The following TMEM132D variants were observed in gnomAD, a reference collection of about 807,000 sequenced individuals.
TMEM132D encodes transmembrane protein 132D, also known as mature OL transmembrane protein.
TMEM132D carries 21 observed loss-of-function variants against 62.3 expected under a neutral mutation model. That is an observed-to-expected ratio of 0.34 (90% CI 0.24 to 0.49). The LOEUF (loss-of-function observed/expected upper bound fraction) is 0.49. Ranked by LOEUF, TMEM132D falls within the 20% of genes least tolerant of loss-of-function variation. TMEM132D has a pLI of 0.99. For synonymous variants in TMEM132D, 621 were observed against 575.6 expected, an observed-to-expected ratio of 1.08 and a Z score of -1.13; for missense variants, 1,346 against 1,402.8, an observed-to-expected ratio of 0.96 and a Z score of 0.65.
At chr12:129,579,790 A>T (rs1877790985) in intron 2 of TMEM132D, among the ~76,000 whole-genome samples, 1 of 152,186 alleles carries the variant, frequency 6.6e-6, no homozygotes, top group Admixed American at 6.5e-5. Context: ...CTCTGGCAAC[A>T]TCCAGAAACA....
intron 1 of TMEM132D, among the ~76,000 whole-genome samples, chr12:129,788,143 G>C (rs1455751289): frequency 6.6e-6 from 1 of 152,228 alleles, no homozygotes; most frequent in African/African-American, 2.4e-5. Flanking sequence ...GAGATACAAA[G>C]CTGTGGCAAA....
At chr12:129,729,487 T>A (rs1453536438) in intron 1 of TMEM132D, among the ~76,000 whole-genome samples, 2 of 152,144 alleles carry the variant, frequency 1.3e-5, no homozygotes, top group Non-Finnish European at 1.5e-5. Context: ...GAAAGCAAAA[T>A]CACTCCCAGA....
intron 5 of TMEM132D, among the ~76,000 whole-genome samples, chr12:129,187,108 C>A (rs754910058): frequency 9.9e-5 from 15 of 152,206 alleles, no homozygotes; most frequent in Non-Finnish European, 2.2e-4. Context: ...GGTTTCCCAG[C>A]CTCCTTTGCA....
Position 129,737,580 on chromosome 12 carries a change from A to G in TMEM132D, c.80-36882T>C, listed in dbSNP as rs183124130. Among the ~76,000 whole-genome samples the G allele has an allele frequency of 7.2e-3, 1,095 of 152,066 alleles. 9 individuals are homozygous for G. The highest frequency in any genetic ancestry group is 0.025 in the African/African-American group (1,056 of 41,480). ...CCACACCATTCCCTATTGTCTCACC[A>G]CAACTGTGTCCACTGCCACTCACCA... is the stretch of plus-strand genomic sequence containing the variant. On this transcript the variant is annotated intron_variant, in intron 1 of 8. Transcript: ENST00000422113.
At chr12:129,652,559 G>T (rs1008766470) in intron 2 of TMEM132D, among the ~76,000 whole-genome samples, 1 of 152,190 alleles carries the variant, frequency 6.6e-6, no homozygotes, top group East Asian at 1.9e-4. Context: ...GTCAGAGGGA[G>T]ATTTGAAGAT....
At chr12:129,426,768 G>A (rs1271027580) in intron 3 of TMEM132D, among the ~76,000 whole-genome samples, 7 of 152,192 alleles carry the variant, frequency 4.6e-5, no homozygotes, top group South Asian at 4.1e-4. Context: ...TATTATCACC[G>A]TTTTTCAAAG....
intron 4 of TMEM132D, among the ~76,000 whole-genome samples, chr12:129,319,486 C>G (rs1417599628): frequency 1.3e-5 from 2 of 152,158 alleles, no homozygotes; most frequent in Non-Finnish European, 2.9e-5. Flanking sequence ...CAGTCCGCTT[C>G]CTTCAGAGGG....
chr12:129,624,975 G>A (rs1351816580), intron 2 of TMEM132D, among the ~76,000 whole-genome samples: 4 of 152,206 alleles, frequency 2.6e-5, no homozygotes, highest in Non-Finnish European at 5.9e-5. Flanking sequence ...ACGTGTGAGC[G>A]TTTCCATTGC....
At chr12:129,215,679 G>T (rs1192496291) in intron 4 of TMEM132D, among the ~76,000 whole-genome samples, 1 of 152,146 alleles carries the variant, frequency 6.6e-6, no homozygotes, top group African/African-American at 2.4e-5. Context: ...TAAGTGCAGG[G>T]ACTCTCTCTT....
chr12:129,736,822 T>A (rs1176750624), intron 1 of TMEM132D, among the ~76,000 whole-genome samples: 1 of 151,180 alleles, frequency 6.6e-6, no homozygotes, highest in Non-Finnish European at 1.5e-5. Context: ...CCTTTTTTTT[T>A]TTTTTTTTTT....
intron 3 of TMEM132D, among the ~76,000 whole-genome samples, chr12:129,504,902 T>C (rs539094073): frequency 1.3e-5 from 2 of 152,326 alleles, no homozygotes; most frequent in Non-Finnish European, 2.9e-5. Flanking sequence ...CAGGTTTTTA[T>C]AGGTTGTGTC....
At chr12:129,272,693 G>T (rs1387101854) in intron 4 of TMEM132D, among the ~76,000 whole-genome samples, 2 of 151,474 alleles carry the variant, frequency 1.3e-5, no homozygotes, top group African/African-American at 2.4e-5. Context: ...ACCTTAATTG[G>T]AGGCATTAGG....
intron 4 of TMEM132D, among the ~76,000 whole-genome samples, chr12:129,322,382 T>C (rs936741566): frequency 6.6e-6 from 1 of 151,874 alleles, no homozygotes; most frequent in Non-Finnish European, 1.5e-5. Context: ...ATCTGCAAAA[T>C]GGCCATGCCA....
At chr12:129,369,531 C>A (rs1176261517) in intron 3 of TMEM132D, among the ~76,000 whole-genome samples, 1 of 152,234 alleles carries the variant, frequency 6.6e-6, no homozygotes, top group African/African-American at 2.4e-5. Flanking sequence ...AATTGACCAT[C>A]AGGTCTAAAA....
At chr12:129,204,630 C>T (rs528571288) in intron 5 of TMEM132D, among the ~76,000 whole-genome samples, 37 of 152,266 alleles carry the variant, frequency 2.4e-4, no homozygotes, top group Admixed American at 4.6e-4. Flanking sequence ...TGAAAACTTC[C>T]CCAACTTTGC....
chr12:129,198,829 G>A (rs1250416137), intron 5 of TMEM132D, among the ~76,000 whole-genome samples: 1 of 152,120 alleles, frequency 6.6e-6, no homozygotes, highest in African/African-American at 2.4e-5. Flanking sequence ...TGAAGGATAT[G>A]TTAATTAGTT....
intron 4 of TMEM132D, among the ~76,000 whole-genome samples, chr12:129,299,101 G>C (rs911462969): frequency 3.9e-5 from 6 of 152,190 alleles, no homozygotes; most frequent in African/African-American, 1.4e-4. Context: ...TGGCTCATCA[G>C]AGCCAAAGTG....
At chr12:129,275,594 T>C (rs759581620) in intron 4 of TMEM132D, among the ~76,000 whole-genome samples, 3 of 152,142 alleles carry the variant, frequency 2.0e-5, no homozygotes, top group Non-Finnish European at 2.9e-5. Flanking sequence ...AGATACCAGG[T>C]AGCCCAGACA....
chr12:129,839,835 T>A (rs1180415696), intron 1 of TMEM132D: 2 of 152,210 alleles, frequency 1.3e-5, no homozygotes, highest in East Asian at 3.9e-4. Flanking sequence ...TCTGAGGCCA[T>A]CACCCGCTGC....
Sources: gnomAD v4.1 joint callset for allele counts (sites outside exome capture counted in the v4.1 genomes callset) on GRCh38, gnomAD v4.1.1 for gene constraint, MANE v1.5 for transcripts, NCBI Gene and HGNC (gene_info 2026-07-23, HGNC 2026-07-21) for gene names.